Variants in GALNT2 observed in about 807,000 individuals in gnomAD.
GALNT2 encodes the protein UDP-GalNAc:polypeptide N-acetylgalactosaminyltransferase 2.
A neutral mutation model predicts 81.4 loss-of-function variants in GALNT2; 31 were observed. The ratio of observed to expected loss-of-function variants is 0.38; its 90% confidence interval spans 0.29 to 0.51. The LOEUF is 0.51. GALNT2 is among the 20% of genes least tolerant of loss of function. The probability of loss-of-function intolerance (pLI) is 0.87; values close to 1 mark genes in which losing one functional copy is unlikely to be tolerated. For synonymous variants in GALNT2, 303 were observed against 287.4 expected (o/e 1.05, Z -0.55); for missense variants, 629 against 765.7 (o/e 0.82, Z 2.11).
chr1:230,172,859 A>G (rs1424175091), intron 1 of GALNT2, among the ~76,000 whole-genome samples: 3 of 152,226 alleles, frequency 2.0e-5, no homozygotes, highest in Admixed American at 6.5e-5. Context: ...AAATAGTGTC[A>G]TAGTATTTAG....
chr1:230,079,957 C>G (rs1049392452), intron 1 of GALNT2, among the ~76,000 whole-genome samples: 4 of 152,170 alleles, frequency 2.6e-5, no homozygotes, highest in African/African-American at 9.7e-5. Flanking sequence ...AAGCATTTGC[C>G]TAGGAAGATG....
chr1:230,215,187 T>A (rs993667229), intron 3 of GALNT2, among the ~76,000 whole-genome samples: 30 of 152,214 alleles, frequency 2.0e-4, no homozygotes, highest in African/African-American at 6.8e-4. Flanking sequence ...GTCTGGGATA[T>A]GTATCAGAGC....
intron 1 of GALNT2, among the ~76,000 whole-genome samples, chr1:230,109,664 C>G (rs1480611753): frequency 6.6e-6 from 1 of 152,150 alleles, no homozygotes; most frequent in African/African-American, 2.4e-5. Context: ...CCCATCTCTA[C>G]TAAATATACA....
At chr1:230,059,331 A>G (rs920950897) in intron 1 of GALNT2, among the ~76,000 whole-genome samples, 4 of 152,238 alleles carry the variant, frequency 2.6e-5, no homozygotes, top group African/African-American at 9.6e-5. Context: ...TCTGGCATGA[A>G]AATGTTACAT....
At chr1:230,202,217 T>TCATGTCTTCAG (rs1558137866) in intron 2 of GALNT2, among the ~76,000 whole-genome samples, 1 of 152,202 alleles carries the variant, frequency 6.6e-6, no homozygotes, top group East Asian at 1.9e-4. Context: ...ATGTTCTCCT[T>TCATGTCTTCAG]GCTTCAAGTC....
At chr1:230,137,121 T>C (rs372708973) in intron 1 of GALNT2, among the ~76,000 whole-genome samples, 2 of 152,216 alleles carry the variant, frequency 1.3e-5, no homozygotes, top group Non-Finnish European at 2.9e-5. Context: ...GCGTGTGGAC[T>C]GTTCCCACCC....
intron 1 of GALNT2, among the ~76,000 whole-genome samples, chr1:230,119,979 C>G (rs548867115): frequency 1.3e-5 from 2 of 152,250 alleles, no homozygotes; most frequent in Admixed American, 1.3e-4. Context: ...TGCCCCAGAC[C>G]TGGAGTCAGC....
intron 1 of GALNT2, among the ~76,000 whole-genome samples, chr1:230,090,941 T>A (rs544686933): frequency 6.6e-6 from 1 of 152,202 alleles, no homozygotes; most frequent in Non-Finnish European, 1.5e-5. Flanking sequence ...GGGATTGGGG[T>A]TTACATGCAT....
intron 1 of GALNT2, among the ~76,000 whole-genome samples, chr1:230,060,356 T>C (rs61825385): frequency 0.03 from 4,560 of 152,258 alleles, 87 homozygotes; most frequent in Middle Eastern, 0.034. Context: ...TCAACCCTTG[T>C]TTATATACAT....
Position 230,193,580 on chromosome 1 carries a change from C to T in GALNT2, c.221-9557C>T, listed in dbSNP as rs970157495. ...TTTGAAGGGTCAGTTTTATAGGTTT[C>T]TGTCATCTTTTTTTTTTCAAATATA... On this transcript the variant is annotated intron_variant, in intron 2 of 15. Coordinates refer to ENST00000366672, the MANE Select transcript of GALNT2 (RefSeq NM_004481.5). This position sits in a 1 kb window ranked among gnomAD's most constrained non-coding sequence, Gnocchi z 4.3. Among the ~76,000 whole-genome samples the T allele has an allele frequency of 6.9e-6, 1 of 144,908 alleles. No individual in the cohort carries two copies. Among genetic ancestry groups the T allele is most frequent in the African/African-American group, 2.6e-5 (1 of 38,978 alleles).
chr1:230,236,255 A>G (rs892634070), intron 4 of GALNT2, 98 bp from the exon 5 acceptor site: 10 of 1,404,324 alleles, frequency 7.1e-6, no homozygotes, highest in Admixed American at 1.8e-5. Flanking sequence ...AGCTCCTCCA[A>G]CCAAGGGTTA....
upstream of GALNT2, chr1:230,057,900 T>C (rs1658951921): frequency 2.7e-6 from 1 of 377,356 alleles, no homozygotes. Context: ...GGAAGGGGCA[T>C]TGCTGGGGTT....
intron 3 of GALNT2, among the ~76,000 whole-genome samples, chr1:230,213,680 C>A (rs6541305): frequency 0.57 from 86,469 of 152,106 alleles, 27,266 homozygotes; most frequent in East Asian, 0.89. Context: ...GTTGTGTTCT[C>A]TTAGTTCCAC....
intron 1 of GALNT2, among the ~76,000 whole-genome samples, chr1:230,059,788 T>A (rs972253710): frequency 1.3e-5 from 2 of 152,358 alleles, no homozygotes; most frequent in East Asian, 1.9e-4. Context: ...CACTTTTTTT[T>A]ATCATTCTCT....
At chr1:230,196,746 A>C (rs1663708689) in intron 2 of GALNT2, among the ~76,000 whole-genome samples, 1 of 152,066 alleles carries the variant, frequency 6.6e-6, no homozygotes, top group African/African-American at 2.4e-5. Flanking sequence ...GAAGTTCCGC[A>C]TCTGAGTGGG....
chr1:230,214,134 C>T (rs377517909), intron 3 of GALNT2, among the ~76,000 whole-genome samples: 139 of 144,016 alleles, frequency 9.7e-4, no homozygotes, highest in African/African-American at 3.5e-3. Flanking sequence ...TTTTTTGAGA[C>T]GGAGTCTCGC....
Position 230,201,700 on chromosome 1 carries a change from C to T in GALNT2, c.221-1437C>T, listed in dbSNP as rs1572080997. On this transcript the variant is annotated intron_variant, in intron 2 of 15. Transcript: ENST00000366672. ...TGCCTTCCCCTCTCCAACCTTGGCT[C>T]TGACGGCCAGGCTCTTGCTTGCTCC... 3.3e-5 allele frequency among the ~76,000 whole-genome samples: 5 copies of T among 152,226 alleles called. No homozygotes were observed. In the South Asian group the frequency reaches 8.3e-4, roughly 25 times the overall value.
chr1:230,281,814 A>G lies in GALNT2; in HGVS notation c.*2356A>G, dbSNP rs1043944. 0.83 allele frequency: 125,450 copies of G among 152,044 alleles called. 52,053 individuals carry two copies. Among genetic ancestry groups the G allele is most frequent in the East Asian group, 0.98 (5,035 of 5,126 alleles). The allele number at this position is 152,044 out of a possible 1,614,324, so 9.4% of individuals were successfully genotyped here. On this transcript the variant is annotated 3_prime_UTR_variant, in exon 16 of 16. Coordinates refer to ENST00000366672, the MANE Select transcript of GALNT2 (RefSeq NM_004481.5). ...CTTACTGCGGTTGCGTTAGTTTTTA[A>G]TCATCAGGACTATCTCACCCTCCCA...
chr1:230,176,624 C>T (rs907110563), intron 1 of GALNT2, among the ~76,000 whole-genome samples: 2 of 152,180 alleles, frequency 1.3e-5, no homozygotes, highest in African/African-American at 4.8e-5. Flanking sequence ...TATCTCCTTA[C>T]TTTGTAAAGC....
Sources: allele counts gnomAD v4.1 joint callset (sites outside exome capture counted in the v4.1 genomes callset), GRCh38; gene constraint gnomAD v4.1.1; non-coding constraint Gnocchi (gnomAD v3.1); transcripts MANE v1.5; gene names NCBI Gene and HGNC (gene_info 2026-07-23, HGNC 2026-07-21).